MAST3: variants seen among roughly 807,000 people sequenced by gnomAD.
The protein encoded by MAST3 is microtubule-associated serine/threonine-protein kinase 3.
Under a neutral mutation model 127.0 loss-of-function variants are expected in MAST3, and 43 were observed. The observed-to-expected ratio is 0.34, with a 90% CI of 0.27 to 0.44. The LOEUF (loss-of-function observed/expected upper bound fraction) is 0.44. Ranked by LOEUF, MAST3 falls within the 20% of genes least tolerant of loss-of-function variation. The probability of loss-of-function intolerance (pLI) is 1.00; values close to 1 mark genes in which losing one functional copy is unlikely to be tolerated. For synonymous variants in MAST3, 785 were observed against 809.2 expected, an observed-to-expected ratio of 0.97 and a Z score of 0.51; for missense variants, 1,390 against 1,919.1, an observed-to-expected ratio of 0.72 and a Z score of 5.15.
intron 7 of MAST3, 56 bp from the exon 8 acceptor site, chr19:18,123,524 C>A: frequency 1.4e-6 from 2 of 1,475,560 alleles, no homozygotes; most frequent in Non-Finnish European, 1.8e-6. Flanking sequence ...CCCCCAACAT[C>A]CTCCCCTGGG....
chr19:18,121,001 G>A (rs1193146455), intron 3 of MAST3, among the ~76,000 whole-genome samples: 3 of 151,940 alleles, frequency 2.0e-5, no homozygotes, highest in African/African-American at 4.8e-5. Flanking sequence ...GATTACAGGT[G>A]TGAGTCACCA....
intron 20 of MAST3, among the ~76,000 whole-genome samples, chr19:18,140,856 C>T (rs141736413): frequency 2.0e-5 from 3 of 152,010 alleles, no homozygotes; most frequent in Admixed American, 6.6e-5. Flanking sequence ...TGCAATAGTG[C>T]AATCTCAGCT....
intron 5 of MAST3, chr19:18,122,244 T>A: frequency 1.9e-6 from 1 of 525,382 alleles, no homozygotes; most frequent in Non-Finnish European, 2.4e-6. Context: ...TGAGCACCTG[T>A]CATGTGCCAG....
chr19:18,137,518 G>A (rs529781054), intron 19 of MAST3, among the ~76,000 whole-genome samples, 157 bp downstream of exon 19: 2 of 152,304 alleles, frequency 1.3e-5, no homozygotes, highest in East Asian at 1.9e-4. Flanking sequence ...AATCTAGGGC[G>A]TGTGTCGGCC....
intron 21 of MAST3, among the ~76,000 whole-genome samples, chr19:18,142,576 T>C (rs930642746): frequency 1.3e-5 from 2 of 151,640 alleles, no homozygotes; most frequent in African/African-American, 4.8e-5. Flanking sequence ...GGTCTCGGTC[T>C]CCTGACCTCG....
chr19:18,124,599 G>A, intron 10 of MAST3, 43 bp from the exon 11 acceptor site: 2 of 1,529,012 alleles, frequency 1.3e-6, no homozygotes, highest in South Asian at 1.2e-5. Flanking sequence ...GAGGCCTGCA[G>A]GTGGAACCAA....
rs3048876 is a variant in MAST3 at position 18,116,090 on chromosome 19, CTTTTTTTTTTT to C, written c.161+5360_161+5370del. Among the ~76,000 whole-genome samples, 24 of 86,374 alleles carry C rather than the reference CTTTTTTTTTTT, an allele frequency of 2.8e-4. No homozygotes were observed. The Admixed American group carries it at 3.4e-3, about 12-fold the overall frequency. The allele number at this position is 86,374 out of a possible 152,430, so 56.7% of individuals were successfully genotyped here. Reference sequence around the variant, plus strand: ...TCTCAGCCTTGGTATTTGAAATTATCTTTTTTTTTTTTTTTTTTTTTGAGACGGAGTCTCGC... The same window carrying C: ...TCTCAGCCTTGGTATTTGAAATTATCTTTTTTTTTTGAGACGGAGTCTCGC... On this transcript the variant is annotated intron_variant, in intron 3 of 27. Transcript: ENST00000687212.
intron 2 of MAST3, chr19:18,109,840 T>A (rs2038375979): frequency 1.6e-6 from 1 of 643,832 alleles, no homozygotes; most frequent in African/African-American, 2.0e-5. Flanking sequence ...GGATGCGGGG[T>A]TGGGGAGTTG....
intron 27 of MAST3, 72 bp downstream of exon 27, chr19:18,147,696 AAGG>A (rs2043175546): frequency 4.5e-6 from 5 of 1,109,430 alleles, no homozygotes; most frequent in Middle Eastern, 5.6e-4. Flanking sequence ...AGGAGGGAGG[AAGG>A]AGTTCAGGGG....
intron 1 of MAST3, among the ~76,000 whole-genome samples, chr19:18,099,749 T>C (rs1324590108): frequency 1.3e-5 from 2 of 152,198 alleles, no homozygotes; most frequent in African/African-American, 4.8e-5. Flanking sequence ...CCACAGCACG[T>C]GCAAAGGCCC....
chr19:18,149,523 G>C lies in MAST3; in HGVS notation c.3841G>C (p.Gly1281Arg). The part of the protein sequence containing the change: ...LDGEAGRRTR[G>R]PEAELVVMRR... ...TGGGGAGGCGGGGCGGCGCACTCGT[G>C]GGCCAGAGGCCGAGCTCGTGGTCAT... The change falls in exon 28 of 28, where the codon GGG becomes CGG. Residue 1281 changes from glycine to arginine, a missense_variant. Physicochemically the swap from Gly to Arg is moderately radical, Grantham distance 125. Transcript: ENST00000687212. The surrounding 1 kb of genome is among the most constrained non-coding windows in gnomAD (Gnocchi z 5.9). 6.4e-7 allele frequency: 1 copy of C among 1,554,124 alleles called. No homozygotes were observed. Among genetic ancestry groups the C allele is most frequent in the Non-Finnish European group, 8.7e-7 (1 of 1,149,576 alleles).
In MAST3 at chr19:18,137,226, G is replaced by T; in HGVS notation, c.1973-13G>T. On this transcript the variant is annotated splice_polypyrimidine_tract_variant and intron_variant, in intron 18 of 27. Transcript: ENST00000687212. ...GGTGAGGACCTGCAGGGCTCAGCGGGGCATATCTGCAGGTGGCACCCACGA... is the reference window on the plus strand; with the variant it reads ...GGTGAGGACCTGCAGGGCTCAGCGGTGCATATCTGCAGGTGGCACCCACGA... 5 of 1,608,562 alleles carry T rather than the reference G, an allele frequency of 3.1e-6. No homozygotes were observed. The highest frequency in any genetic ancestry group is 4.2e-6 in the Non-Finnish European group (5 of 1,176,778).
intron 1 of MAST3, among the ~76,000 whole-genome samples, chr19:18,101,105 C>G (rs998837451): frequency 1.3e-5 from 2 of 152,196 alleles, no homozygotes; most frequent in African/African-American, 4.8e-5. Context: ...GTAACGTGAG[C>G]TGTTATTACT....
chr19:18,151,498 C>G lies in MAST3; in HGVS notation c.*1772C>G, dbSNP rs984854183. On this transcript the variant is annotated 3_prime_UTR_variant, in exon 28 of 28. Transcript: ENST00000687212. ...GCCGACTCCAGCCCCAGCTCATCCC[C>G]CATGATGCTGTGTGACCCACTGGGC... 2.0e-5 allele frequency: 3 copies of G among 152,242 alleles called. No individual in the cohort carries two copies. The highest frequency in any genetic ancestry group is 7.2e-5 in the African/African-American group (3 of 41,434). 9.4% of individuals were successfully genotyped at this position (152,242 alleles called of 1,614,324 possible).
Position 18,130,524 on chromosome 19 carries a change from A to G in MAST3, c.1254A>G (p.Thr418=). The change falls in exon 14 of 28, where the codon ACA becomes ACG. Residue 418 remains threonine, a synonymous_variant. Transcript: ENST00000687212. ...GAVYLVRHRD[T]RQRFAIKKIN... is the part of the protein sequence containing the mutation. Reference sequence around the variant, plus strand: ...TCTACCTGGTGCGGCACCGTGACACACGGCAGCGCTTTGCCATCAAGAAGA... The same window carrying G: ...TCTACCTGGTGCGGCACCGTGACACGCGGCAGCGCTTTGCCATCAAGAAGA... 2 of 1,608,872 alleles carry G rather than the reference A, an allele frequency of 1.2e-6. No homozygotes were observed. Among genetic ancestry groups the G allele is most frequent in the Non-Finnish European group, 8.5e-7 (1 of 1,177,484 alleles).
At position 18,123,232 on chromosome 19, in the gene MAST3, C is replaced by A; in HGVS notation, c.415C>A (p.Arg139=). The part of the protein sequence containing the change: ...SSTLSSSSSS[R]ERLHQLPFQP... ...TCTCTACCAGTCAAGCTCATCCTCC[C>A]GGGAACGTCTCCACCAGCTTCCCTT... Residue 139 remains arginine, a synonymous_variant, in exon 7 of 28, where the codon CGG becomes AGG. Coordinates refer to ENST00000687212, the MANE Select transcript of MAST3 (RefSeq NM_001393504.1). 7 of 1,613,780 alleles carry A rather than the reference C, an allele frequency of 4.3e-6. No homozygotes were observed. Among genetic ancestry groups the A allele is most frequent in the Non-Finnish European group, 5.9e-6 (7 of 1,179,874 alleles).
At chr19:18,124,221 G>A (rs375211155) in intron 9 of MAST3, 44 bp from the exon 10 acceptor site, 13 of 1,588,940 alleles carry the variant, frequency 8.2e-6, no homozygotes, top group Non-Finnish European at 1.0e-5. Context: ...CAGGCCAGAC[G>A]GTGCTGAGGA....
chr19:18,108,417 A>G (rs1218656222), intron 2 of MAST3, among the ~76,000 whole-genome samples: 1 of 149,962 alleles, frequency 6.7e-6, no homozygotes, highest in African/African-American at 2.5e-5. Flanking sequence ...TGTCACCCAC[A>G]TAGTACAGTG....
chr19:18,145,813 G>A lies in MAST3; in HGVS notation c.3110G>A (p.Gly1037Glu). 1 of 1,593,574 alleles carries A rather than the reference G, an allele frequency of 6.3e-7. No homozygotes were observed. ...GGGGACCTCATCACCCACATCAACGGGGAGTCAGTGCTGGGGCTGGTGCAC... is the reference window on the plus strand; with the variant it reads ...GGGGACCTCATCACCCACATCAACGAGGAGTCAGTGCTGGGGCTGGTGCAC... ...RAGDLITHIN[G>E]ESVLGLVHMD... Residue 1037 changes from glycine to glutamate, a missense_variant, in exon 25 of 28, where the codon GGG becomes GAG. Around this residue, in one of 5 missense-constraint regions of MAST3, gnomAD observed 816 missense variants for 934.1 expected, o/e 0.87. Coordinates refer to ENST00000687212, the MANE Select transcript of MAST3 (RefSeq NM_001393504.1). This position sits in a 1 kb window ranked among gnomAD's most constrained non-coding sequence, Gnocchi z 5.9.
Sources: allele counts gnomAD v4.1 joint callset (sites outside exome capture counted in the v4.1 genomes callset), GRCh38; gene constraint gnomAD v4.1.1; regional missense constraint gnomAD v4.1.1; non-coding constraint Gnocchi (gnomAD v3.1); transcripts MANE v1.5; gene names NCBI Gene and HGNC (gene_info 2026-07-23, HGNC 2026-07-21).